The following STON1 variants were observed in gnomAD, a reference collection of about 807,000 sequenced individuals.
The protein encoded by STON1 is stonin 1.
A neutral mutation model predicts 60.9 loss-of-function variants in STON1; 79 were observed. The observed-to-expected ratio is 1.30, with a 90% confidence interval of 1.08 to 1.56. The LOEUF (loss-of-function observed/expected upper bound fraction) is 1.56. Among genes scored for constraint, STON1 ranks in the 40% most tolerant of loss-of-function variants. STON1 has a pLI of 0.00. For synonymous variants in STON1, 363 were observed against 306.9 expected (o/e 1.18, Z -1.91); for missense variants, 1,166 against 858.9 (o/e 1.36, Z -4.47).
At position 48,581,883 on chromosome 2, in the gene STON1, T is replaced by A; in HGVS notation, c.1250T>A (p.Leu417Ter). 1 of 1,614,010 alleles carries A rather than the reference T, an allele frequency of 6.2e-7. No individual in the cohort carries two copies. Among genetic ancestry groups the A allele is most frequent in the Non-Finnish European group, 8.5e-7 (1 of 1,179,996 alleles). ...KKNYEEQEIS[L>*]EIVDNFWGKV... ...AACTACGAGGAGCAAGAAATTTCCT[T>A]GGAAATTGTGGACAACTTTTGGGGT... The change falls in exon 2 of 4, where the codon TTG (leucine) becomes TAG (stop). Residue 417 changes from leucine to a stop codon, truncating the protein, a stop_gained. Coordinates refer to ENST00000404752, the MANE Select transcript of STON1 (RefSeq NM_006873.4). LOFTEE classifies it high-confidence loss of function.
chr2:48,571,060 T>C (rs1673184458), intron 1 of STON1, among the ~76,000 whole-genome samples: 1 of 152,090 alleles, frequency 6.6e-6, no homozygotes, highest in South Asian at 2.1e-4. Flanking sequence ...TTCACCATGT[T>C]GGCCAGGCTG....
chr2:48,591,646 C>T lies in STON1; in HGVS notation c.1931-7C>T, dbSNP rs1356236094. 6.2e-7 allele frequency: 1 copy of T among 1,605,426 alleles called. No individual in the cohort carries two copies. Among genetic ancestry groups the T allele is most frequent in the Non-Finnish European group, 8.5e-7 (1 of 1,176,990 alleles). ...TACTTTGACTATTTGATTTTTTTTC[C>T]CTCGAGGTCTAGATCATCCCCATTG... On this transcript the variant is annotated splice_polypyrimidine_tract_variant and splice_region_variant and intron_variant, in intron 2 of 3. Coordinates refer to ENST00000404752, the MANE Select transcript of STON1 (RefSeq NM_006873.4).
At chr2:48,542,550 G>C (rs57488023) in intron 1 of STON1, among the ~76,000 whole-genome samples, 2 of 152,174 alleles carry the variant, frequency 1.3e-5, no homozygotes, top group Admixed American at 6.5e-5. Flanking sequence ...ACAAATGTTA[G>C]TTTCCTCCCA....
intron 1 of STON1, among the ~76,000 whole-genome samples, chr2:48,573,978 C>G (rs977694985): frequency 6.6e-6 from 1 of 152,146 alleles, no homozygotes; most frequent in Admixed American, 6.5e-5. Context: ...GGCATATTCA[C>G]AGGCACAGAA....
chr2:48,532,792 T>C (rs973120184), intron 1 of STON1, among the ~76,000 whole-genome samples: 7 of 151,894 alleles, frequency 4.6e-5, no homozygotes, highest in Admixed American at 2.0e-4. Flanking sequence ...GAAGGCTACA[T>C]CCCCAGACAG....
intron 1 of STON1, among the ~76,000 whole-genome samples, chr2:48,577,571 A>G (rs1673588189): frequency 6.8e-6 from 1 of 146,676 alleles, no homozygotes; most frequent in Non-Finnish European, 1.5e-5. Context: ...ACAGAGCGAG[A>G]CTCCGTCTCA....
Position 48,566,827 on chromosome 2 carries a change from G to C in STON1, c.-47-13760G>C, listed in dbSNP as rs929921849. On this transcript the variant is annotated intron_variant, in intron 1 of 3. Transcript: ENST00000404752. ...TTCTCAGGCGGGCACTTTAAGAGGG[G>C]CTGGTGTTGTGGTGGTGTGGCCTCG... is the stretch of plus-strand genomic sequence containing the variant. 2.0e-5 allele frequency among the ~76,000 whole-genome samples: 3 copies of C among 152,172 alleles called. 1 individual carries two copies. The highest frequency in any genetic ancestry group is 7.2e-5 in the African/African-American group (3 of 41,448).
In STON1 at chr2:48,581,073, C is replaced by A; in HGVS notation, c.440C>A (p.Pro147His). The A allele has an allele frequency of 2.5e-6, 4 of 1,598,474 alleles. No homozygotes were observed. The highest frequency in any genetic ancestry group is 2.6e-6 in the Non-Finnish European group (3 of 1,174,050). The change falls in exon 2 of 4, where the codon CCC becomes CAC. Residue 147 changes from proline to histidine, a missense_variant. By Grantham distance (77) the Pro-to-His change is moderately conservative. Transcript: ENST00000404752. ...PSDHSCTHPT[P>H]KVGLPDEVNP... is the part of the protein sequence containing the mutation. ...GACCACTCATGTACACATCCAACTC[C>A]CAAAGTAGGTCTTCCAGATGAAGTT...
chr2:48,594,546 C>T (rs75688632), intron 3 of STON1, among the ~76,000 whole-genome samples: 46 of 151,682 alleles, frequency 3.0e-4, no homozygotes, highest in Admixed American at 1.4e-3. Flanking sequence ...TGGGGGTAAA[C>T]GAAAAATAGT....
chr2:48,555,507 C>T (rs1219990205), intron 1 of STON1, among the ~76,000 whole-genome samples: 2 of 91,632 alleles, frequency 2.2e-5, no homozygotes, highest in Admixed American at 9.8e-5. Context: ...GGGCTGACCC[C>T]CCCACCTCCC....
chr2:48,539,842 C>T (rs965609438), intron 1 of STON1, among the ~76,000 whole-genome samples: 1 of 152,000 alleles, frequency 6.6e-6, no homozygotes. Context: ...CTACTCTTTG[C>T]CCAAGCAGAT....
chr2:48,567,721 A>G (rs1411838740), intron 1 of STON1, among the ~76,000 whole-genome samples: 1 of 152,088 alleles, frequency 6.6e-6, no homozygotes, highest in Non-Finnish European at 1.5e-5. Context: ...TATTTTAAAT[A>G]CTGTCATAGC....
chr2:48,577,970 T>G (rs1433238152), intron 1 of STON1, among the ~76,000 whole-genome samples: 1 of 151,346 alleles, frequency 6.6e-6, no homozygotes, highest in Admixed American at 6.6e-5. Context: ...TCAAGTCTTA[T>G]GTTTAAATCT....
In STON1 at chr2:48,591,703, C is replaced by T. The variant is rs1012133808; in HGVS notation, c.1981C>T (p.Gln661Ter). 11 of 1,613,916 alleles carry T rather than the reference C, an allele frequency of 6.8e-6. No homozygotes were observed. The highest frequency in any genetic ancestry group is 9.3e-6 in the Non-Finnish European group (11 of 1,180,026). ...LSYKLELGSD[Q>*]EIPSDWYPFA... The stretch of plus-strand genomic sequence containing the variant: ...ATACAAATTAGAGCTTGGATCAGAC[C>T]AAGAAATTCCCTCTGATTGGTATCC... The change falls in exon 3 of 4, where the codon CAA becomes TAA. Residue 661 changes from glutamine to a stop codon, truncating the protein, a stop_gained. Transcript: ENST00000404752. LOFTEE classifies it high-confidence loss of function.
chr2:48,533,754 G>C (rs1197469586), intron 1 of STON1, among the ~76,000 whole-genome samples: 1 of 137,812 alleles, frequency 7.3e-6, no homozygotes, highest in Admixed American at 7.8e-5. Flanking sequence ...TAAGAATGTT[G>C]AATTACACAG....
chr2:48,580,723 G>C lies in STON1; in HGVS notation c.90G>C (p.Glu30Asp). ...AAAAGTCAAAGAATTTTCCTCTGGA[G>C]AATCAAGGTGTCTGTAGACCAAATG... ...SSQKSKNFPL[E>D]NQGVCRPNGL... Residue 30 changes from glutamate (E) to aspartate (D), a missense_variant, in exon 2 of 4, where the codon GAG (glutamate) becomes GAC (aspartate). Glu to Asp is a conservative substitution (Grantham distance 45, BLOSUM62 2). Transcript: ENST00000404752. 3.3e-6 allele frequency: 5 copies of C among 1,494,522 alleles called. No individual in the cohort carries two copies. Among genetic ancestry groups the C allele is most frequent in the Non-Finnish European group, 4.5e-6 (5 of 1,121,210 alleles). 92.6% of individuals were successfully genotyped at this position (1,494,522 alleles called of 1,614,324 possible).
chr2:48,583,845 G>A (rs920298776), intron 2 of STON1, among the ~76,000 whole-genome samples: 5 of 150,776 alleles, frequency 3.3e-5, no homozygotes, highest in Middle Eastern at 3.4e-3. Context: ...TCCGCCTCTC[G>A]GGTTCAAGTG....
intron 1 of STON1, among the ~76,000 whole-genome samples, chr2:48,559,767 G>C (rs866595408): frequency 2.0e-5 from 3 of 152,206 alleles, no homozygotes; most frequent in Middle Eastern, 3.4e-3. Context: ...CAGTTTCCAT[G>C]GTGCTTAACT....
chr2:48,591,713 C>A lies in STON1; in HGVS notation c.1991C>A (p.Pro664His). 1 of 1,614,066 alleles carries A rather than the reference C, an allele frequency of 6.2e-7. No individual in the cohort carries two copies. Among genetic ancestry groups the A allele is most frequent in the South Asian group, 1.1e-5 (1 of 91,078 alleles). ...KLELGSDQEIPSDWYPFATVQ... is the reference protein window; with the variant it reads ...KLELGSDQEIHSDWYPFATVQ... ...GAGCTTGGATCAGACCAAGAAATTC[C>A]CTCTGATTGGTATCCATTTGCTACT... The change falls in exon 3 of 4, where the codon CCC (proline) becomes CAC (histidine). Residue 664 changes from proline to histidine, a missense_variant. Physicochemically the swap from Pro to His is moderately conservative, Grantham distance 77. Coordinates refer to ENST00000404752, the MANE Select transcript of STON1 (RefSeq NM_006873.4).
Sources: allele counts gnomAD v4.1 joint callset (sites outside exome capture counted in the v4.1 genomes callset), GRCh38; gene constraint gnomAD v4.1.1; transcripts MANE v1.5; gene names NCBI Gene and HGNC (gene_info 2026-07-23, HGNC 2026-07-21).